The following ZDHHC1 variants were observed in gnomAD, a reference collection of about 807,000 sequenced individuals.
ZDHHC1 encodes palmitoyltransferase ZDHHC1.
In ZDHHC1, 45 loss-of-function variants were observed where a neutral mutation model predicts 46.9. That is an observed-to-expected ratio of 0.96 (90% confidence interval 0.76 to 1.23). The LOEUF is 1.23. Among genes scored for constraint, ZDHHC1 ranks in the 50% most tolerant of loss-of-function variants. ZDHHC1 has a pLI of 0.00. For synonymous variants in ZDHHC1, 291 were observed against 286.0 expected (o/e 1.02, Z -0.18); for missense variants, 649 against 670.8 (o/e 0.97, Z 0.36).
At chr16:67,395,610 C>G in intron 8 of ZDHHC1, 44 bp from the exon 9 acceptor site, 2 of 1,540,850 alleles carry the variant, frequency 1.3e-6, no homozygotes, top group Non-Finnish European at 1.8e-6. Flanking sequence ...CCAGGTGTGG[C>G]TCCCGAGCCT....
chr16:67,394,619 A>T lies in ZDHHC1; in HGVS notation c.1440T>A (p.Gly480=). The change falls in exon 12 of 12, where the codon GGT becomes GGA. Residue 480 remains glycine (G), a synonymous_variant. Coordinates refer to ENST00000565726, the MANE Select transcript of ZDHHC1 (RefSeq NM_001323627.2). The part of the protein sequence containing the change: ...EPRAPGGREA[G]LA ...CGGCCTCTCGGCCCAGCTAAGCCAGACCAGCCTCCCGGCCGCCCGGCGCCC... is the reference window on the plus strand; with the variant it reads ...CGGCCTCTCGGCCCAGCTAAGCCAGTCCAGCCTCCCGGCCGCCCGGCGCCC... 9.2e-6 allele frequency: 11 copies of T among 1,194,422 alleles called. No individual in the cohort carries two copies. Among genetic ancestry groups the T allele is most frequent in the Non-Finnish European group, 1.1e-5 (11 of 964,722 alleles). The allele number at this position is 1,194,422 out of a possible 1,614,324, so 74.0% of individuals were successfully genotyped here.
intron 1 of ZDHHC1, among the ~76,000 whole-genome samples, chr16:67,414,243 G>A (rs927579624): frequency 6.6e-6 from 1 of 152,154 alleles, no homozygotes; most frequent in Admixed American, 6.5e-5. Flanking sequence ...TAAAAACAAC[G>A]TTGTGACAGA....
chr16:67,394,705 T>C lies in ZDHHC1; in HGVS notation c.1354A>G (p.Thr452Ala). ...GGCGCACGCGCCTGCCGCGCCAGCG[T>C]GGGCTGTCGGCCCCGGCCCCGCGGG... is the stretch of plus-strand genomic sequence containing the variant. ...AAPRGRGRQP[T>A]LARQARAPAV... Residue 452 changes from threonine to alanine, a missense_variant, in exon 12 of 12, where the codon ACG becomes GCG. Thr to Ala is a moderately conservative substitution (Grantham distance 58). Coordinates refer to ENST00000565726, the MANE Select transcript of ZDHHC1 (RefSeq NM_001323627.2). 1 of 1,331,024 alleles carries C rather than the reference T, an allele frequency of 7.5e-7. No homozygotes were observed. The highest frequency in any genetic ancestry group is 2.0e-5 in the South Asian group (1 of 50,734). 82.5% of individuals were successfully genotyped at this position (1,331,024 alleles called of 1,614,324 possible). A position where few individuals can be genotyped will look rare whatever the true frequency, so the allele number is the denominator to read the frequency against.
At chr16:67,395,607 T>C in intron 8 of ZDHHC1, 41 bp from the exon 9 acceptor site, 1 of 1,542,088 alleles carries the variant, frequency 6.5e-7, no homozygotes, top group Non-Finnish European at 8.8e-7. Flanking sequence ...AGGCCAGGTG[T>C]GGCTCCCGAG....
At chr16:67,414,630 A>G (rs78138943) in intron 1 of ZDHHC1, among the ~76,000 whole-genome samples, 4,203 of 152,294 alleles carry the variant, frequency 0.028, 61 homozygotes, top group South Asian at 0.033. Flanking sequence ...ATCATTTCCA[A>G]CTGTTCTTGT....
intron 2 of ZDHHC1, among the ~76,000 whole-genome samples, chr16:67,407,473 A>G (rs145008861): frequency 2.2e-4 from 33 of 152,246 alleles, no homozygotes; most frequent in African/African-American, 7.2e-4. Context: ...GCAGACCCCG[A>G]CTCAGTGCAT....
At chr16:67,404,863 T>A (rs888573871) in intron 3 of ZDHHC1, among the ~76,000 whole-genome samples, 1 of 152,238 alleles carries the variant, frequency 6.6e-6, no homozygotes, top group African/African-American at 2.4e-5. Flanking sequence ...TTTGCTCTGC[T>A]TCTACTTGTA....
intron 2 of ZDHHC1, 36 bp downstream of exon 2, chr16:67,407,731 C>T: frequency 1.3e-6 from 1 of 780,904 alleles, no homozygotes; most frequent in South Asian, 1.3e-5. Flanking sequence ...CATCTCTGTC[C>T]CCTATGTCCC....
chr16:67,396,568 G>A (rs972054197), intron 8 of ZDHHC1, among the ~76,000 whole-genome samples: 3 of 152,220 alleles, frequency 2.0e-5, no homozygotes, highest in Non-Finnish European at 2.9e-5. Context: ...CTGCTGGGGT[G>A]GGGGTGGGTG....
rs2040579204 is a variant in ZDHHC1 at position 67,402,799 on chromosome 16, G to A, written c.253-1667C>T. Among the ~76,000 whole-genome samples the A allele has an allele frequency of 2.0e-5, 3 of 152,108 alleles. No individual in the cohort carries two copies. In the South Asian group the frequency reaches 6.2e-4, roughly 32 times the overall value. On this transcript the variant is annotated intron_variant, in intron 3 of 11. Transcript: ENST00000565726. ...TCGCCACCACGCCTGGCTAATTTTT[G>A]TATTTTTAGTAGAGCCAAGGTTTCG...
chr16:67,398,352 C>G (rs150874973), intron 7 of ZDHHC1, 28 bp from the exon 8 acceptor site: 2 of 1,600,224 alleles, frequency 1.2e-6, no homozygotes, highest in African/African-American at 1.3e-5. Flanking sequence ...GGGCTCAGTG[C>G]GGTGGAAGGG....
At position 67,394,676 on chromosome 16, in the gene ZDHHC1, G is replaced by A; in HGVS notation, c.1383C>T (p.Ala461=). 2.4e-6 allele frequency: 3 copies of A among 1,251,736 alleles called. No homozygotes were observed. Among genetic ancestry groups the A allele is most frequent in the African/African-American group, 1.6e-5 (1 of 63,664 alleles). 77.5% of individuals were successfully genotyped at this position (1,251,736 alleles called of 1,614,324 possible). A position where few individuals can be genotyped will look rare whatever the true frequency, so the allele number is the denominator to read the frequency against. ...PTLARQARAP[A]VFVSPSSGEP... ...CGCCGCTGCTCGGGCTCACGAAAAC[G>A]GCGGGCGCACGCGCCTGCCGCGCCA... Residue 461 remains alanine (A), a synonymous_variant, in exon 12 of 12, where the codon GCC becomes GCT. Transcript: ENST00000565726.
rs1305313563 is a variant in ZDHHC1 at position 67,398,509 on chromosome 16, C to G, written c.814+64G>C. The G allele has an allele frequency of 5.2e-6, 8 of 1,545,890 alleles. No homozygotes were observed. In the East Asian group the frequency reaches 1.7e-4, roughly 33 times the overall value. On this transcript the variant is annotated intron_variant, in intron 7 of 11. Coordinates refer to ENST00000565726, the MANE Select transcript of ZDHHC1 (RefSeq NM_001323627.2). ...CATGGTTTCAGGGTCCACCGTCCAACTGGGCACCTTCCTGCAATCTGAGGA... is the reference window on the plus strand; with the variant it reads ...CATGGTTTCAGGGTCCACCGTCCAAGTGGGCACCTTCCTGCAATCTGAGGA...
Position 67,406,386 on chromosome 16 carries a change from C to G in ZDHHC1, c.66G>C (p.Thr22=). ...AGGGTCCGCTGGGCTGTGCCGGTGC[C>G]GTCCACACACTCTTCTCAGGGGCCG... ...NKTAPEKSVW[T]APAQPSGPSP... The change falls in exon 3 of 12, where the codon ACG becomes ACC. Residue 22 remains threonine (T), a synonymous_variant. Transcript: ENST00000565726. This position sits in a 1 kb window ranked among gnomAD's most constrained non-coding sequence, Gnocchi z 4.1. The G allele has an allele frequency of 6.3e-7, 1 of 1,577,294 alleles. No homozygotes were observed. The highest frequency in any genetic ancestry group is 8.6e-7 in the Non-Finnish European group (1 of 1,161,496).
rs1248460458 is a variant in ZDHHC1 at position 67,403,957 on chromosome 16, T to TG, written c.252+2242dup. ...GGCAGGAAGAAACCATTAGAAATCT[T>TG]GGAGCTGGGGCGCAACATTATCAGA... On this transcript the variant is annotated intron_variant, in intron 3 of 11. Coordinates refer to ENST00000565726, the MANE Select transcript of ZDHHC1 (RefSeq NM_001323627.2). 3.9e-5 allele frequency among the ~76,000 whole-genome samples: 6 copies of TG among 152,238 alleles called. No homozygotes were observed. In the East Asian group the frequency reaches 7.7e-4, roughly 20 times the overall value.
chr16:67,401,832 T>C lies in ZDHHC1; in HGVS notation c.253-700A>G, dbSNP rs565125102. On this transcript the variant is annotated intron_variant, in intron 3 of 11. Transcript: ENST00000565726. The surrounding 1 kb of genome is among the most constrained non-coding windows in gnomAD (Gnocchi z 4.6). The stretch of plus-strand genomic sequence containing the variant: ...CTGGGCCAAATGCAGGAGACAAGTT[T>C]GCTGACAATTTGCTACAAAGTCTGA... 2.0e-4 allele frequency among the ~76,000 whole-genome samples: 31 copies of C among 152,338 alleles called. No homozygotes were observed. The highest frequency in any genetic ancestry group is 7.5e-4 in the African/African-American group (31 of 41,580).
intron 1 of ZDHHC1, among the ~76,000 whole-genome samples, chr16:67,415,065 G>A (rs1249826493): frequency 2.0e-4 from 31 of 152,138 alleles, no homozygotes. Context: ...AACCCGGGAG[G>A]TGGAGGTTGC....
chr16:67,409,628 G>A (rs1270745781), intron 1 of ZDHHC1, among the ~76,000 whole-genome samples: 1 of 152,236 alleles, frequency 6.6e-6, no homozygotes, highest in African/African-American at 2.4e-5. Context: ...AATCCAAGAT[G>A]GGGCTCCCAG....
chr16:67,409,844 C>T (rs1057469380), intron 1 of ZDHHC1, among the ~76,000 whole-genome samples: 11 of 152,164 alleles, frequency 7.2e-5, no homozygotes, highest in South Asian at 2.1e-4. Context: ...CAGATGAGAC[C>T]GGGTGCCTGC....
Sources: allele counts gnomAD v4.1 joint callset (sites outside exome capture counted in the v4.1 genomes callset), GRCh38; gene constraint gnomAD v4.1.1; non-coding constraint Gnocchi (gnomAD v3.1); transcripts MANE v1.5; gene names NCBI Gene and HGNC (gene_info 2026-07-23, HGNC 2026-07-21).